ACAP2: variants seen among roughly 807,000 people sequenced by gnomAD.
ACAP2 encodes arf-GAP with coiled-coil, ANK repeat and PH domain-containing protein 2.
A neutral mutation model predicts 115.8 loss-of-function variants in ACAP2; 39 were observed. The ratio of observed to expected loss-of-function variants is 0.34; its 90% confidence interval spans 0.26 to 0.44. ACAP2 has a LOEUF of 0.44. Ranked by LOEUF, ACAP2 falls within the 20% of genes least tolerant of loss-of-function variation. ACAP2 has a pLI of 1.00. For missense variants in ACAP2, 662 were observed against 927.6 expected (o/e 0.71, Z 3.72); for synonymous variants, 289 against 315.8 (o/e 0.92, Z 0.90).
chr3:195,306,185 C>T (rs1377771987), intron 13 of ACAP2, among the ~76,000 whole-genome samples: 1 of 152,114 alleles, frequency 6.6e-6, no homozygotes, highest in Non-Finnish European at 1.5e-5. Flanking sequence ...CAGTTTTAAA[C>T]ACCTTTCATG....
intron 16 of ACAP2, among the ~76,000 whole-genome samples, chr3:195,296,987 C>G (rs1727694377): frequency 6.6e-6 from 1 of 152,080 alleles, no homozygotes; most frequent in African/African-American, 2.4e-5. Flanking sequence ...GATCTTTCTA[C>G]TCTAAAGACT....
intron 1 of ACAP2, among the ~76,000 whole-genome samples, chr3:195,439,368 G>A (rs116696517): frequency 0.013 from 2,001 of 151,462 alleles, 23 homozygotes; most frequent in South Asian, 0.023. Flanking sequence ...TTGTAGAGAC[G>A]GTGTCTCACT....
chr3:195,363,078 C>T (rs983369561), intron 4 of ACAP2, among the ~76,000 whole-genome samples: 6 of 152,136 alleles, frequency 3.9e-5, no homozygotes, highest in Non-Finnish European at 8.8e-5. Context: ...AAAACTATTA[C>T]AACTGATAAA....
intron 4 of ACAP2, among the ~76,000 whole-genome samples, chr3:195,363,108 A>G (rs556097291): frequency 5.4e-4 from 82 of 152,368 alleles, no homozygotes; most frequent in Middle Eastern, 3.4e-3. Flanking sequence ...GCTGCAGGAT[A>G]CAAAATCAAC....
In ACAP2 at chr3:195,278,647, G is replaced by T; in HGVS notation, c.*681C>A. The T allele has an allele frequency of 6.7e-6, 1 of 150,370 alleles. No individual in the cohort carries two copies. 9.3% of individuals were successfully genotyped at this position (150,370 alleles called of 1,614,324 possible). On this transcript the variant is annotated 3_prime_UTR_variant, in exon 23 of 23. Coordinates refer to ENST00000326793, the MANE Select transcript of ACAP2 (RefSeq NM_012287.6). ...TAAAAAAAAAAAAGAGCTTCTTTTT[G>T]CTGCATAAAATAAATCTAAAGGACT...
intron 1 of ACAP2, among the ~76,000 whole-genome samples, chr3:195,400,816 G>C (rs965176100): frequency 6.6e-6 from 1 of 152,184 alleles, no homozygotes; most frequent in African/African-American, 2.4e-5. Context: ...GTATCTCAAA[G>C]ATGGGATATA....
chr3:195,295,779 G>C lies in ACAP2; in HGVS notation c.1601C>G (p.Ser534Cys). The C allele has an allele frequency of 1.2e-6, 2 of 1,614,040 alleles. No homozygotes were observed. The highest frequency in any genetic ancestry group is 1.7e-6 in the Non-Finnish European group (2 of 1,179,996). Residue 534 changes from serine to cysteine, a missense_variant, in exon 17 of 23, where the codon TCT becomes TGT. Around this residue, in one of 3 missense-constraint regions of ACAP2, gnomAD observed 133 missense variants for 123.1 expected, o/e 1.08. Coordinates refer to ENST00000326793, the MANE Select transcript of ACAP2 (RefSeq NM_012287.6). Reference sequence around the variant, plus strand: ...AGAAATGCTCAGCCTCTTTTCTTCAGAACTTTTAGAGACAAACTTTTTTTG... The same window carrying C: ...AGAAATGCTCAGCCTCTTTTCTTCACAACTTTTAGAGACAAACTTTTTTTG... ...EQQKKFVSKS[S>C]EEKRLSISKF... is the part of the protein sequence containing the mutation.
intron 1 of ACAP2, among the ~76,000 whole-genome samples, chr3:195,430,003 T>C (rs1714995030): frequency 6.6e-6 from 1 of 152,190 alleles, no homozygotes; most frequent in South Asian, 2.1e-4. Context: ...TGTATATGCT[T>C]GAAATTTTCT....
At chr3:195,331,768 C>T (rs1730183497) in intron 8 of ACAP2, among the ~76,000 whole-genome samples, 1 of 152,030 alleles carries the variant, frequency 6.6e-6, no homozygotes, top group South Asian at 2.1e-4. Flanking sequence ...ATGTTATCAT[C>T]AGATATGAAA....
chr3:195,392,245 T>A, intron 1 of ACAP2, 98 bp from the exon 2 acceptor site: 3 of 921,904 alleles, frequency 3.3e-6, no homozygotes, highest in Non-Finnish European at 5.0e-6. Flanking sequence ...TATGAATGCT[T>A]AAAAATTACA....
chr3:195,318,879 T>A (rs1329724625), intron 10 of ACAP2, among the ~76,000 whole-genome samples: 1 of 152,034 alleles, frequency 6.6e-6, no homozygotes, highest in African/African-American at 2.4e-5. Context: ...TCCAAGACAA[T>A]GGGAAAAATG....
At position 195,319,990 on chromosome 3, in the gene ACAP2, GT is replaced by G. The variant is rs1440574694; in HGVS notation, c.857+710del. 5.9e-5 allele frequency among the ~76,000 whole-genome samples: 9 copies of G among 152,160 alleles called. No homozygotes were observed. The East Asian group carries it at 1.5e-3, about 26-fold the overall frequency. On this transcript the variant is annotated intron_variant, in intron 10 of 22. Transcript: ENST00000326793. ...GGGAGGTGACTGGGTCATGGGAGCG[GT>G]TTCCCCCATGCTGTTCTCATGATAG...
intron 1 of ACAP2, among the ~76,000 whole-genome samples, chr3:195,400,896 C>G (rs981702615): frequency 6.6e-5 from 10 of 152,016 alleles, no homozygotes; most frequent in African/African-American, 2.2e-4. Context: ...ACAAAACTGT[C>G]AAAAATTAGA....
chr3:195,348,341 T>A, intron 4 of ACAP2, among the ~76,000 whole-genome samples: 1 of 151,090 alleles, frequency 6.6e-6, no homozygotes. Flanking sequence ...CATTAAAAAT[T>A]AAAAATAAAT....
chr3:195,386,011 A>C (rs1462182221), intron 2 of ACAP2, among the ~76,000 whole-genome samples: 1 of 152,250 alleles, frequency 6.6e-6, no homozygotes, highest in Non-Finnish European at 1.5e-5. Flanking sequence ...TCAACTGATG[A>C]ATGGATAAAC....
chr3:195,430,102 T>TG (rs1180224892), intron 1 of ACAP2, among the ~76,000 whole-genome samples: 1 of 152,216 alleles, frequency 6.6e-6, no homozygotes, highest in Admixed American at 6.5e-5. Flanking sequence ...AAACAGTCCA[T>TG]GGATGACTGC....
At chr3:195,289,031 A>T in intron 21 of ACAP2, 90 bp downstream of exon 21, 1 of 989,238 alleles carries the variant, frequency 1.0e-6, no homozygotes, top group Non-Finnish European at 1.5e-6. Flanking sequence ...GTTGGTATCC[A>T]CAGGGTCCTG....
chr3:195,320,920 G>A, intron 9 of ACAP2, 107 bp from the exon 10 acceptor site: 2 of 643,574 alleles, frequency 3.1e-6, no homozygotes, highest in South Asian at 2.2e-5. Flanking sequence ...TTTATATTAA[G>A]ACAGTTACAA....
At chr3:195,335,228 A>G (rs574847831) in intron 7 of ACAP2, among the ~76,000 whole-genome samples, 1 of 152,112 alleles carries the variant, frequency 6.6e-6, no homozygotes, top group Middle Eastern at 3.2e-3. Context: ...TCCAACAGAG[A>G]CCATGAGGCC....
Sources: gnomAD v4.1 joint callset for allele counts (sites outside exome capture counted in the v4.1 genomes callset) on GRCh38, gnomAD v4.1.1 for gene constraint, gnomAD v4.1.1 regional missense constraint, MANE v1.5 for transcripts, NCBI Gene and HGNC (gene_info 2026-07-23, HGNC 2026-07-21) for gene names.